Variants in KCNMA1 observed in about 807,000 individuals in gnomAD.
The protein encoded by KCNMA1 is Calcium-activated potassium channel subunit alpha-1.
KCNMA1 carries 29 observed loss-of-function variants against 140.0 expected under a neutral mutation model. That is an observed-to-expected ratio of 0.21 (90% CI 0.15 to 0.28). The LOEUF is 0.28. KCNMA1 is among the 10% of genes least tolerant of loss of function. The pLI, the probability that KCNMA1 is intolerant of heterozygous loss-of-function variation, is 1.00. For synonymous variants in KCNMA1, 612 were observed against 611.9 expected (o/e 1.00, Z 0.00); for missense variants, 880 against 1,602.2 (o/e 0.55, Z 7.70).
intron 5 of KCNMA1, among the ~76,000 whole-genome samples, chr10:77,122,202 A>G (rs917250047): frequency 6.6e-6 from 1 of 152,168 alleles, no homozygotes; most frequent in Non-Finnish European, 1.5e-5. Flanking sequence ...CTGTTTAGGT[A>G]ATAAGGGAAA....
chr10:77,311,587 T>TA (rs1296263871), intron 2 of KCNMA1, among the ~76,000 whole-genome samples: 10 of 152,060 alleles, frequency 6.6e-5, no homozygotes, highest in African/African-American at 2.2e-4. Flanking sequence ...TTTTATCATT[T>TA]AAAAAAATAA....
chr10:76,948,031 C>G (rs10824472), intron 22 of KCNMA1, among the ~76,000 whole-genome samples: 79,040 of 151,988 alleles, frequency 0.52, 21,049 homozygotes, highest in East Asian at 0.73. Flanking sequence ...TTGAGGCAGG[C>G]TCTTGTTCTG....
At chr10:77,359,447 G>A (rs2093764116) in intron 2 of KCNMA1, among the ~76,000 whole-genome samples, 1 of 152,134 alleles carries the variant, frequency 6.6e-6, no homozygotes, top group Non-Finnish European at 1.5e-5. Context: ...CCTGTGGGGT[G>A]ACAAAAACAG....
chr10:77,220,693 G>A (rs926350233), intron 3 of KCNMA1, among the ~76,000 whole-genome samples: 2 of 152,040 alleles, frequency 1.3e-5, no homozygotes, highest in Admixed American at 1.3e-4. Flanking sequence ...ATCTAGTTTT[G>A]AAATCTAAAA....
intron 3 of KCNMA1, among the ~76,000 whole-genome samples, chr10:77,186,355 A>T (rs552552017): frequency 1.3e-5 from 2 of 150,068 alleles, no homozygotes; most frequent in South Asian, 2.1e-4. Context: ...ACACTGAAAA[A>T]CAGTTCAAAA....
intron 14 of KCNMA1, among the ~76,000 whole-genome samples, chr10:77,043,585 A>G (rs1166570324): frequency 6.6e-6 from 1 of 152,220 alleles, no homozygotes; most frequent in East Asian, 1.9e-4. Context: ...AAGAGGTGGA[A>G]GCACCCCAAG....
intron 1 of KCNMA1, among the ~76,000 whole-genome samples, chr10:77,633,368 G>A (rs751573764): frequency 6.6e-5 from 10 of 152,080 alleles, no homozygotes; most frequent in Middle Eastern, 3.4e-3. Context: ...TGAGGAGCAC[G>A]AGCTCTCTGG....
intron 2 of KCNMA1, among the ~76,000 whole-genome samples, chr10:77,346,060 T>G (rs1309666472): frequency 6.6e-6 from 1 of 152,182 alleles, no homozygotes; most frequent in African/African-American, 2.4e-5. Flanking sequence ...AAAATAGGAA[T>G]ATCATGGTAA....
At chr10:77,445,212 A>C (rs1414796381) in intron 1 of KCNMA1, among the ~76,000 whole-genome samples, 1 of 152,150 alleles carries the variant, frequency 6.6e-6, no homozygotes, top group African/African-American at 2.4e-5. Context: ...GGCAAGCTCC[A>C]AGACTATCTG....
rs2079428458 is a variant in KCNMA1 at position 77,311,957 on chromosome 10, C to A, written c.541-60701G>T. 1.3e-5 allele frequency among the ~76,000 whole-genome samples: 2 copies of A among 152,240 alleles called. 1 individual carries two copies. Among genetic ancestry groups the A allele is most frequent in the South Asian group, 4.1e-4 (2 of 4,834 alleles). Reference sequence around the variant, plus strand: ...AAGCCATCCAACATGACAGGTGAGCCAGAATGTCATGGCACCGCACCCAGC... The same window carrying A: ...AAGCCATCCAACATGACAGGTGAGCAAGAATGTCATGGCACCGCACCCAGC... On this transcript the variant is annotated intron_variant, in intron 2 of 27. Coordinates refer to ENST00000286628, the MANE Select transcript of KCNMA1 (RefSeq NM_001161352.2).
At position 77,324,971 on chromosome 10, in the gene KCNMA1, C is replaced by CTCTCTCTCTCTGTGTG. The variant is rs766240356; in HGVS notation, c.541-73716_541-73715insCACACAGAGAGAGAGA. Among the ~76,000 whole-genome samples the CTCTCTCTCTCTGTGTG allele has an allele frequency of 2.5e-3, 228 of 90,406 alleles. 3 individuals carry two copies. Among genetic ancestry groups the CTCTCTCTCTCTGTGTG allele is most frequent in the Non-Finnish European group, 3.3e-3 (155 of 46,670 alleles). The allele number at this position is 90,406 out of a possible 152,430, so 59.3% of individuals were successfully genotyped here. On this transcript the variant is annotated intron_variant, in intron 2 of 27. Coordinates refer to ENST00000286628, the MANE Select transcript of KCNMA1 (RefSeq NM_001161352.2). ...TCTCTCTCTCTCTCTCTCTCTCTCT[C>CTCTCTCTCTCTGTGTG]TGTGTGTGTGTGTGTGTGTGTGTGT...
At chr10:77,233,767 C>G (rs532814305) in intron 3 of KCNMA1, among the ~76,000 whole-genome samples, 1 of 152,140 alleles carries the variant, frequency 6.6e-6, no homozygotes, top group Non-Finnish European at 1.5e-5. Context: ...CTAATAAATT[C>G]GGAGGACCGA....
intron 1 of KCNMA1, among the ~76,000 whole-genome samples, chr10:77,555,718 G>T (rs1298581712): frequency 1.3e-5 from 2 of 152,120 alleles, no homozygotes; most frequent in Non-Finnish European, 2.9e-5. Flanking sequence ...AGAGAACATG[G>T]TACAATACTT....
chr10:77,596,525 T>C (rs2080983439), intron 1 of KCNMA1, among the ~76,000 whole-genome samples: 1 of 152,078 alleles, frequency 6.6e-6, no homozygotes, highest in East Asian at 1.9e-4. Flanking sequence ...CATCCGGAGA[T>C]TGGGGGTTGG....
chr10:77,389,935 A>G (rs2095754846), intron 2 of KCNMA1, among the ~76,000 whole-genome samples: 1 of 152,216 alleles, frequency 6.6e-6, no homozygotes, highest in Non-Finnish European at 1.5e-5. Context: ...AGAGCCATGC[A>G]GAGACACCCC....
intron 5 of KCNMA1, among the ~76,000 whole-genome samples, chr10:77,136,388 A>G (rs1341825979): frequency 6.6e-6 from 1 of 152,224 alleles, no homozygotes; most frequent in Non-Finnish European, 1.5e-5. Flanking sequence ...AGCGATTACC[A>G]GGAGCTGAGG....
chr10:77,598,328 C>A (rs2081535776), intron 1 of KCNMA1, among the ~76,000 whole-genome samples: 3 of 152,150 alleles, frequency 2.0e-5, no homozygotes, highest in Admixed American at 1.3e-4. Context: ...AGGGTTTTTC[C>A]CTGTCTTGTT....
rs1225944897 is a variant in KCNMA1, at chr10:77,011,855, A to C, written c.2092+112T>G. The C allele has an allele frequency of 5.4e-6, 5 of 918,652 alleles. No individual in the cohort carries two copies. The Admixed American group carries it at 9.0e-5, about 17-fold the overall frequency. The allele number at this position is 918,652 out of a possible 1,614,324, so 56.9% of individuals were successfully genotyped here. A position where few individuals can be genotyped will look rare whatever the true frequency, so the allele number is the denominator to read the frequency against. Reference sequence around the variant, plus strand: ...AAACTGCTGGGTGAAACATAAACATACTCAAGAAAACTCTCGATGTTTAGT... The same window carrying C: ...AAACTGCTGGGTGAAACATAAACATCCTCAAGAAAACTCTCGATGTTTAGT... On this transcript the variant is annotated intron_variant, in intron 18 of 27. Coordinates refer to ENST00000286628, the MANE Select transcript of KCNMA1 (RefSeq NM_001161352.2).
chr10:77,377,851 A>G (rs915148761), intron 2 of KCNMA1, among the ~76,000 whole-genome samples: 6 of 152,236 alleles, frequency 3.9e-5, no homozygotes, highest in African/African-American at 1.2e-4. Flanking sequence ...CAGTTATCAC[A>G]GTGCCTAGCT....
Sources: allele counts gnomAD v4.1 joint callset (sites outside exome capture counted in the v4.1 genomes callset), GRCh38; gene constraint gnomAD v4.1.1; transcripts MANE v1.5; gene names NCBI Gene and HGNC (gene_info 2026-07-23, HGNC 2026-07-21).